The following PCDH15 variants were observed in gnomAD, a reference collection of about 807,000 sequenced individuals.
The protein encoded by PCDH15 is protocadherin-15.
Under a neutral mutation model 178.5 loss-of-function variants are expected in PCDH15, and 129 were observed. The observed-to-expected ratio is 0.72, with a 90% CI of 0.63 to 0.84. The LOEUF is 0.84. Ranked by LOEUF, PCDH15 falls within the 40% of genes least tolerant of loss-of-function variation. PCDH15 has a pLI of 0.00. For synonymous variants in PCDH15, 800 were observed against 732.0 expected (o/e 1.09, Z -1.50); for missense variants, 2,230 against 2,099.9 (o/e 1.06, Z -1.21).
intron 1 of PCDH15, among the ~76,000 whole-genome samples, chr10:55,318,356 TTAAG>T (rs1168496996): frequency 6.6e-6 from 1 of 152,052 alleles, no homozygotes; most frequent in Non-Finnish European, 1.5e-5. Context: ...AGACAATAAA[TTAAG>T]TATGTTGACA....
intron 8 of PCDH15, among the ~76,000 whole-genome samples, chr10:54,307,350 G>A (rs2060623556): frequency 6.6e-6 from 1 of 150,542 alleles, no homozygotes; most frequent in Non-Finnish European, 1.5e-5. Flanking sequence ...TTCTACATTA[G>A]TGTGTGGAAA....
intron 2 of PCDH15, among the ~76,000 whole-genome samples, chr10:55,033,068 G>A (rs181747840): frequency 1.6e-3 from 241 of 152,236 alleles, no homozygotes; most frequent in Middle Eastern, 6.8e-3. Flanking sequence ...TGCATGAGCT[G>A]TGGAGGCTTG....
intron 2 of PCDH15, among the ~76,000 whole-genome samples, chr10:55,562,698 A>T (rs2132100804): frequency 6.6e-6 from 1 of 152,148 alleles, no homozygotes; most frequent in South Asian, 2.1e-4. Context: ...TAGAAGTTAA[A>T]ATTGAAATGA....
intron 26 of PCDH15, among the ~76,000 whole-genome samples, chr10:53,882,485 T>C (rs977263709): frequency 6.6e-6 from 1 of 152,066 alleles, no homozygotes; most frequent in East Asian, 1.9e-4. Flanking sequence ...CCTCAGCCTC[T>C]CAAATAGCTA....
intron 8 of PCDH15, among the ~76,000 whole-genome samples, chr10:54,251,534 A>C (rs779115276): frequency 4.6e-5 from 7 of 152,202 alleles, no homozygotes; most frequent in Non-Finnish European, 8.8e-5. Flanking sequence ...AGAGCATACT[A>C]TAAAATCGTA....
At chr10:54,503,552 G>A (rs1286009170) in intron 3 of PCDH15, among the ~76,000 whole-genome samples, 2 of 151,244 alleles carry the variant, frequency 1.3e-5, no homozygotes, top group Non-Finnish European at 2.9e-5. Flanking sequence ...GCTTAGAATG[G>A]GCTTGACTCA....
intron 2 of PCDH15, among the ~76,000 whole-genome samples, chr10:55,337,737 T>A (rs554754601): frequency 6.6e-6 from 1 of 152,276 alleles, no homozygotes; most frequent in African/African-American, 2.4e-5. Flanking sequence ...CATTTATCAA[T>A]GAGATTAGTA....
chr10:54,435,953 G>A (rs1288319085), intron 3 of PCDH15, among the ~76,000 whole-genome samples: 1 of 151,056 alleles, frequency 6.6e-6, no homozygotes, highest in Non-Finnish European at 1.5e-5. Context: ...CTGGGCAACA[G>A]AGCGAGACTC....
intron 2 of PCDH15, among the ~76,000 whole-genome samples, chr10:55,530,287 C>G (rs374354151): frequency 6.6e-6 from 1 of 151,820 alleles, no homozygotes; most frequent in Non-Finnish European, 1.5e-5. Flanking sequence ...CATTATTATT[C>G]TTATCCATCT....
intron 2 of PCDH15, among the ~76,000 whole-genome samples, chr10:55,510,304 G>T (rs1021583905): frequency 2.0e-5 from 3 of 151,772 alleles, no homozygotes; most frequent in Admixed American, 6.6e-5. Flanking sequence ...TACTCCTAAA[G>T]TCAAAACCAA....
chr10:55,187,813 G>T (rs945453810), intron 1 of PCDH15, among the ~76,000 whole-genome samples: 3 of 151,926 alleles, frequency 2.0e-5, no homozygotes, highest in African/African-American at 7.3e-5. Context: ...TTACTTTCTG[G>T]TCTTCAGAGG....
chr10:53,824,569 C>G (rs185913401), intron 32 of PCDH15, among the ~76,000 whole-genome samples: 118 of 152,208 alleles, frequency 7.8e-4, no homozygotes, highest in African/African-American at 2.7e-3. Flanking sequence ...ACAGGTAGAC[C>G]TGGAGCATCA....
intron 3 of PCDH15, among the ~76,000 whole-genome samples, chr10:54,844,814 G>A (rs1276773422): frequency 1.3e-5 from 2 of 151,602 alleles, no homozygotes; most frequent in Admixed American, 6.6e-5. Context: ...ATTTGATGAC[G>A]GCCATTATGC....
chr10:54,702,671 C>T (rs1279925226), intron 1 of PCDH15, among the ~76,000 whole-genome samples: 2 of 151,692 alleles, frequency 1.3e-5, no homozygotes, highest in Admixed American at 6.6e-5. Context: ...AAATTGCAAC[C>T]CTGAACAGAG....
intron 17 of PCDH15, among the ~76,000 whole-genome samples, chr10:54,075,773 AT>A (rs1432979342): frequency 1.1e-4 from 16 of 152,038 alleles, no homozygotes; most frequent in Non-Finnish European, 1.9e-4. Context: ...GTGAAAGTTT[AT>A]TTTTGGATTT....
intron 2 of PCDH15, among the ~76,000 whole-genome samples, chr10:55,528,164 G>A (rs1282795296): frequency 6.6e-6 from 1 of 151,990 alleles, no homozygotes; most frequent in Non-Finnish European, 1.5e-5. Flanking sequence ...AGCCTCTGGA[G>A]TGGCTGGGAC....
At chr10:54,241,466 T>C (rs1036955056) in intron 8 of PCDH15, among the ~76,000 whole-genome samples, 3 of 152,308 alleles carry the variant, frequency 2.0e-5, no homozygotes, top group African/African-American at 7.2e-5. Flanking sequence ...ATTATCTTAT[T>C]TGTACTTACA....
chr10:53,836,995 C>T (rs1367606446), intron 29 of PCDH15, among the ~76,000 whole-genome samples: 1 of 150,816 alleles, frequency 6.6e-6, no homozygotes, highest in Non-Finnish European at 1.5e-5. Context: ...AGAATTTCTT[C>T]AGTGAGTTCA....
chr10:54,837,417 G>T (rs1048637744), intron 3 of PCDH15, among the ~76,000 whole-genome samples: 1 of 151,978 alleles, frequency 6.6e-6, no homozygotes, highest in Non-Finnish European at 1.5e-5. Flanking sequence ...AACTCAAGTA[G>T]TATTAGAAAA....
Sources: allele counts gnomAD v4.1 joint callset (sites outside exome capture counted in the v4.1 genomes callset), GRCh38; gene constraint gnomAD v4.1.1; transcripts MANE v1.5; gene names NCBI Gene and HGNC (gene_info 2026-07-23, HGNC 2026-07-21).